Variants in GALNT13 observed in about 807,000 individuals in gnomAD.
The protein encoded by GALNT13 is UDP-GalNAc:polypeptide N-acetylgalactosaminyltransferase 13.
In GALNT13, 28 loss-of-function variants were observed where a neutral mutation model predicts 64.2. The ratio of observed to expected loss-of-function variants is 0.44; its 90% CI spans 0.32 to 0.60. GALNT13 has a LOEUF of 0.60. Among genes scored for constraint, GALNT13 ranks in the 20% least tolerant of loss-of-function variants. The pLI is 0.05. For synonymous variants in GALNT13, 214 were observed against 224.6 expected (o/e 0.95, Z 0.42); for missense variants, 577 against 669.8 (o/e 0.86, Z 1.53).
At chr2:154,153,988 T>G (rs1384476845) in intron 4 of GALNT13, among the ~76,000 whole-genome samples, 1 of 152,172 alleles carries the variant, frequency 6.6e-6, no homozygotes, top group Non-Finnish European at 1.5e-5. Flanking sequence ...ACCCGGTACC[T>G]CAGATGGAAA....
At chr2:153,792,463 A>G in the GALNT13 span, among the ~76,000 whole-genome samples, 9 of 152,184 alleles carry the variant, frequency 5.9e-5, no homozygotes, top group Non-Finnish European at 1.0e-4. Context: ...GCATTTATAG[A>G]TTTTGGTATT....
chr2:153,232,151 A>G, the GALNT13 span, among the ~76,000 whole-genome samples: 1 of 152,208 alleles, frequency 6.6e-6, no homozygotes, highest in Admixed American at 6.5e-5. Context: ...AAGTACTTTC[A>G]TGTGTTCAGG....
chr2:153,388,196 T>C, the GALNT13 span, among the ~76,000 whole-genome samples: 1 of 152,084 alleles, frequency 6.6e-6, no homozygotes, highest in South Asian at 2.1e-4. Context: ...GAGCTTGAAA[T>C]ATGACCTCTA....
At chr2:153,261,974 C>T in the GALNT13 span, among the ~76,000 whole-genome samples, 8 of 152,154 alleles carry the variant, frequency 5.3e-5, no homozygotes, top group Admixed American at 1.3e-4. Context: ...TCCCCTTTGG[C>T]TTAGGGACTG....
chr2:153,105,785 A>G, the GALNT13 span, among the ~76,000 whole-genome samples: 5 of 152,122 alleles, frequency 3.3e-5, no homozygotes, highest in Admixed American at 3.3e-4. Flanking sequence ...AAGAGAATAA[A>G]ATACCTAGGA....
At chr2:153,764,034 T>G in the GALNT13 span, among the ~76,000 whole-genome samples, 1 of 152,132 alleles carries the variant, frequency 6.6e-6, no homozygotes, top group African/African-American at 2.4e-5. Flanking sequence ...TTGACCAAAA[T>G]GCTGATAGTG....
the GALNT13 span, among the ~76,000 whole-genome samples, chr2:153,130,033 C>T: frequency 6.6e-6 from 1 of 152,172 alleles, no homozygotes; most frequent in Admixed American, 6.5e-5. Flanking sequence ...CTTGGGCCCA[C>T]AGCCTTTGAG....
At position 153,959,930 on chromosome 2, in the gene GALNT13, C is replaced by T. The variant is rs184840326; in HGVS notation, c.142+15291C>T. On this transcript the variant is annotated intron_variant, in intron 3 of 12. Transcript: ENST00000392825. ...GTTGGGCCCCACACAAAGCAGACAG[C>T]CTCACAGCCGTCTCACCGATGGGCT... Among the ~76,000 whole-genome samples, 115 of 152,324 alleles carry T rather than the reference C, an allele frequency of 7.5e-4. 1 individual carries two copies. The highest frequency in any genetic ancestry group is 1.5e-3 in the Non-Finnish European group (102 of 68,024).
chr2:154,098,303 T>C (rs1411790261), intron 3 of GALNT13, among the ~76,000 whole-genome samples: 1 of 151,960 alleles, frequency 6.6e-6, no homozygotes, highest in Admixed American at 6.6e-5. Flanking sequence ...CCCCTGATTA[T>C]CTCCCTCCTC....
At chr2:154,434,489 G>C (rs549906307) in intron 11 of GALNT13, among the ~76,000 whole-genome samples, 1 of 152,244 alleles carries the variant, frequency 6.6e-6, no homozygotes, top group East Asian at 1.9e-4. Context: ...TCAATCTCCT[G>C]ACCTCGTGAT....
chr2:153,817,040 T>C, the GALNT13 span, among the ~76,000 whole-genome samples: 3 of 152,168 alleles, frequency 2.0e-5, no homozygotes, highest in South Asian at 6.2e-4. Flanking sequence ...GTTATTTTCA[T>C]CCACCATGTA....
At chr2:153,685,955 G>T in the GALNT13 span, among the ~76,000 whole-genome samples, 55 of 152,044 alleles carry the variant, frequency 3.6e-4, no homozygotes, top group African/African-American at 1.3e-3. Context: ...ACAGTTAGAA[G>T]TGTGCGGTCT....
At chr2:153,798,032 C>T in the GALNT13 span, among the ~76,000 whole-genome samples, 1 of 152,114 alleles carries the variant, frequency 6.6e-6, no homozygotes, top group Non-Finnish European at 1.5e-5. Context: ...TATTTCAGAC[C>T]TACTGAAGCA....
intron 11 of GALNT13, among the ~76,000 whole-genome samples, chr2:154,438,181 T>C (rs1022668079): frequency 6.6e-6 from 1 of 151,864 alleles, no homozygotes; most frequent in Non-Finnish European, 1.5e-5. Context: ...TTTAAACTTC[T>C]ATATGAAAAA....
At position 154,418,375 on chromosome 2, in the gene GALNT13, G is replaced by T. The variant is rs1053923849; in HGVS notation, c.1395+9293G>T. On this transcript the variant is annotated intron_variant, in intron 11 of 12. Coordinates refer to ENST00000392825, the MANE Select transcript of GALNT13 (RefSeq NM_052917.4). ...AAAAATATTTTGTAGACATGATTTT[G>T]TTAAAGATCTTGAGATATGGAGATA... Among the ~76,000 whole-genome samples, 22 of 152,214 alleles carry T rather than the reference G, an allele frequency of 1.4e-4. 1 individual carries two copies. Among genetic ancestry groups the T allele is most frequent in the African/African-American group, 5.1e-4 (21 of 41,558 alleles).
chr2:154,207,465 T>C (rs2105792247), intron 4 of GALNT13, among the ~76,000 whole-genome samples: 1 of 152,322 alleles, frequency 6.6e-6, no homozygotes, highest in African/African-American at 2.4e-5. Flanking sequence ...TCTCTGTGGC[T>C]TGTTTTCCTC....
chr2:154,098,881 T>C (rs1212040970), intron 3 of GALNT13, among the ~76,000 whole-genome samples: 1 of 151,596 alleles, frequency 6.6e-6, no homozygotes, highest in Non-Finnish European at 1.5e-5. Context: ...ATAAACAAAT[T>C]AGTGCAGGTG....
At chr2:153,208,303 G>T in the GALNT13 span, 1 of 151,990 alleles carries the variant, frequency 6.6e-6, no homozygotes, top group Non-Finnish European at 1.5e-5. Context: ...CCAATAACTT[G>T]TCTATATTCC....
chr2:153,350,496 C>G, the GALNT13 span, among the ~76,000 whole-genome samples: 1 of 151,006 alleles, frequency 6.6e-6, no homozygotes, highest in Admixed American at 6.6e-5. Flanking sequence ...GATTCTCCTA[C>G]CTCAACCTCC....
Sources: allele counts gnomAD v4.1 joint callset (sites outside exome capture counted in the v4.1 genomes callset), GRCh38; gene constraint gnomAD v4.1.1; transcripts MANE v1.5; gene names NCBI Gene and HGNC (gene_info 2026-07-23, HGNC 2026-07-21).